The following GHRH variants were observed in gnomAD, a reference collection of about 807,000 sequenced individuals.
The protein encoded by GHRH is somatoliberin.
Under a neutral mutation model 15.6 loss-of-function variants are expected in GHRH, and 7 were observed. The observed-to-expected ratio is 0.45, with a 90% CI of 0.26 to 0.84. The LOEUF (loss-of-function observed/expected upper bound fraction) is 0.84, where lower values mean the gene tolerates loss of function less well. Ranked by LOEUF, GHRH falls within the 40% of genes least tolerant of loss-of-function variation. The probability of loss-of-function intolerance (pLI) is 0.18; values close to 1 mark genes in which losing one functional copy is unlikely to be tolerated. For synonymous variants in GHRH, 54 were observed against 50.4 expected (o/e 1.07, Z -0.30); for missense variants, 117 against 138.0 (o/e 0.85, Z 0.76).
Position 37,254,298 on chromosome 20 carries a change from G to A in GHRH, c.220C>T (p.Arg74Trp), listed in dbSNP as rs571463652. ...ESNQERGARARLGRQVDSMWA... is the reference protein window; with the variant it reads ...ESNQERGARAWLGRQVDSMWA... ...ATGCTGTCTACCTGACGACCAAGCCGTGCCCTTGCTCCTCGCTCTTGGTTG... is the reference window on the plus strand; with the variant it reads ...ATGCTGTCTACCTGACGACCAAGCCATGCCCTTGCTCCTCGCTCTTGGTTG... Residue 74 changes from arginine (R) to tryptophan (W), a missense_variant, in exon 4 of 5, where the codon CGG becomes TGG. Coordinates refer to ENST00000373614, the MANE Select transcript of GHRH (RefSeq NM_021081.6). 3.1e-5 allele frequency: 50 copies of A among 1,613,952 alleles called. No homozygotes were observed. The South Asian group carries it at 3.5e-4, about 11-fold the overall frequency.
At chr20:37,255,686 AGAG>A (rs1185662821) in intron 3 of GHRH, among the ~76,000 whole-genome samples, 5 of 127,996 alleles carry the variant, frequency 3.9e-5, no homozygotes, top group African/African-American at 1.7e-4. Flanking sequence ...AAAAAAAAAA[AGAG>A]CTATTAACCC....
At chr20:37,251,372 G>T in intron 4 of GHRH, 141 bp from the exon 5 acceptor site, 1 of 626,552 alleles carries the variant, frequency 1.6e-6, no homozygotes, top group Non-Finnish European at 2.7e-6. Flanking sequence ...GGGGTGGAGG[G>T]AAGGATGCGC....
chr20:37,256,325 CT>C, intron 3 of GHRH, 68 bp downstream of exon 3: 1 of 967,794 alleles, frequency 1.0e-6, no homozygotes, highest in East Asian at 2.5e-5. Flanking sequence ...CCCTGGTCCC[CT>C]GTAGGGAACA....
At chr20:37,261,307 C>T (rs1472588284) in intron 1 of GHRH, among the ~76,000 whole-genome samples, 1 of 152,090 alleles carries the variant, frequency 6.6e-6, no homozygotes, top group Non-Finnish European at 1.5e-5. Context: ...AAAATGTTAT[C>T]AATTTCCCGG....
chr20:37,257,252 C>T (rs1332814774), intron 1 of GHRH, among the ~76,000 whole-genome samples: 9 of 152,118 alleles, frequency 5.9e-5, no homozygotes, highest in Admixed American at 4.6e-4. Context: ...CAGTGACTCA[C>T]GCCTGTAATC....
intron 4 of GHRH, among the ~76,000 whole-genome samples, chr20:37,251,549 T>C (rs1188567409): frequency 2.0e-5 from 3 of 152,164 alleles, no homozygotes; most frequent in Non-Finnish European, 2.9e-5. Flanking sequence ...CCAGCATCTC[T>C]TCCCATTCAT....
chr20:37,255,794 C>A, intron 3 of GHRH, among the ~76,000 whole-genome samples: 1 of 151,832 alleles, frequency 6.6e-6, no homozygotes, highest in Admixed American at 6.6e-5. Context: ...CTTTGGGAGG[C>A]CAAGGTGGGA....
At chr20:37,261,156 T>A (rs577389821) in intron 1 of GHRH, among the ~76,000 whole-genome samples, 212 of 152,208 alleles carry the variant, frequency 1.4e-3, no homozygotes, top group Admixed American at 2.8e-3. Context: ...TTTGAGGCAG[T>A]CTATGGTGAA....
chr20:37,251,350 AAG>A, intron 4 of GHRH, 119 bp from the exon 5 acceptor site: 2 of 756,616 alleles, frequency 2.6e-6, no homozygotes, highest in Non-Finnish European at 4.3e-6. Flanking sequence ...TGGATTCCAA[AAG>A]AGGCAGTGTG....
intron 4 of GHRH, among the ~76,000 whole-genome samples, chr20:37,252,920 T>A (rs1179646427): frequency 6.6e-6 from 1 of 152,166 alleles, no homozygotes; most frequent in Non-Finnish European, 1.5e-5. Context: ...GCGCCTGTAA[T>A]CCCAGCTACT....
intron 4 of GHRH, among the ~76,000 whole-genome samples, chr20:37,252,495 G>A (rs1297602978): frequency 1.3e-5 from 2 of 152,254 alleles, no homozygotes; most frequent in African/African-American, 2.4e-5. Context: ...GGCCGGGTGC[G>A]GTGGCTCATG....
intron 3 of GHRH, among the ~76,000 whole-genome samples, chr20:37,255,305 A>T (rs2146748724): frequency 6.6e-6 from 1 of 152,246 alleles, no homozygotes; most frequent in African/African-American, 2.4e-5. Flanking sequence ...AAAAACGTAT[A>T]GGCTATAGAG....
intron 4 of GHRH, among the ~76,000 whole-genome samples, chr20:37,251,546 C>T (rs1384807047): frequency 6.6e-6 from 1 of 152,170 alleles, no homozygotes; most frequent in Non-Finnish European, 1.5e-5. Flanking sequence ...TCCCCAGCAT[C>T]TCTTCCCATT....
At position 37,254,276 on chromosome 20, in the gene GHRH, C is replaced by T; in HGVS notation, c.242G>A (p.Ser81Asn). The change falls in exon 4 of 5, where the codon AGC (serine) becomes AAC (asparagine). Residue 81 changes from serine (S) to asparagine (N), a missense_variant. Transcript: ENST00000373614. ...CATTTGCTTTTGTTCTGCCCACATGCTGTCTACCTGACGACCAAGCCGTGC... is the reference window on the plus strand; with the variant it reads ...CATTTGCTTTTGTTCTGCCCACATGTTGTCTACCTGACGACCAAGCCGTGC... ...ARARLGRQVD[S>N]MWAEQKQMEL... 1 of 1,614,104 alleles carries T rather than the reference C, an allele frequency of 6.2e-7. No individual in the cohort carries two copies. The highest frequency in any genetic ancestry group is 2.2e-5 in the East Asian group (1 of 44,886).
In GHRH at chr20:37,258,096, TAG is replaced by T. The variant is rs2068667323; in HGVS notation, c.-19-1190_-19-1189del. 6.6e-6 allele frequency among the ~76,000 whole-genome samples: 1 copy of T among 152,192 alleles called. No individual in the cohort carries two copies. Among genetic ancestry groups the T allele is most frequent in the Non-Finnish European group, 1.5e-5 (1 of 68,034 alleles). On this transcript the variant is annotated intron_variant, in intron 1 of 4. Transcript: ENST00000373614. This position sits in a 1 kb window ranked among gnomAD's most constrained non-coding sequence, Gnocchi z 4.1. ...GCCTGCGGACAGCATGCTCTGCAAT[TAG>T]GGGAAAAACAGCCAGCAGGGGACAG...
chr20:37,251,306 G>T, intron 4 of GHRH, 75 bp from the exon 5 acceptor site: 2 of 1,245,500 alleles, frequency 1.6e-6, no homozygotes, highest in Non-Finnish European at 2.3e-6. Flanking sequence ...TGGAACCAGG[G>T]TGACGGGTGC....
chr20:37,256,682 G>T, intron 2 of GHRH, 125 bp downstream of exon 2: 1 of 800,892 alleles, frequency 1.2e-6, no homozygotes, highest in Non-Finnish European at 2.0e-6. Flanking sequence ...GCAAGGACGG[G>T]CAGTGGGTGC....
chr20:37,260,518 AAG>A (rs2068682426), intron 1 of GHRH, among the ~76,000 whole-genome samples: 1 of 152,112 alleles, frequency 6.6e-6, no homozygotes, highest in African/African-American at 2.4e-5. Flanking sequence ...CCGGGAGGTT[AAG>A]GCTGCAGTGA....
At chr20:37,251,960 C>G (rs915032415) in intron 4 of GHRH, among the ~76,000 whole-genome samples, 1 of 152,194 alleles carries the variant, frequency 6.6e-6, no homozygotes, top group African/African-American at 2.4e-5. Context: ...TGATTTCAAT[C>G]TCCGTGAAGC....
Sources: allele counts gnomAD v4.1 joint callset (sites outside exome capture counted in the v4.1 genomes callset), GRCh38; gene constraint gnomAD v4.1.1; non-coding constraint Gnocchi (gnomAD v3.1); transcripts MANE v1.5; gene names NCBI Gene and HGNC (gene_info 2026-07-23, HGNC 2026-07-21).